Variants in DOCK5 observed in about 807,000 individuals in gnomAD.
DOCK5 encodes the protein dedicator of cytokinesis 5.
DOCK5 carries 142 observed loss-of-function variants against 251.8 expected under a neutral mutation model. That is an observed-to-expected ratio of 0.56 (90% confidence interval 0.49 to 0.65). The LOEUF (loss-of-function observed/expected upper bound fraction) is 0.65. Ranked by LOEUF, DOCK5 falls within the 30% of genes least tolerant of loss-of-function variation. The pLI is 0.00. For synonymous variants in DOCK5, 842 were observed against 835.5 expected, an observed-to-expected ratio of 1.01 and a Z score of -0.13; for missense variants, 2,111 against 2,312.3, an observed-to-expected ratio of 0.91 and a Z score of 1.79.
intron 21 of DOCK5, 124 bp downstream of exon 21, chr8:25,334,320 C>G: frequency 1.3e-6 from 1 of 766,722 alleles, no homozygotes; most frequent in South Asian, 1.6e-5. Context: ...AGGCAGAACT[C>G]TTATTCTAAG....
intron 13 of DOCK5, among the ~76,000 whole-genome samples, chr8:25,314,092 G>C (rs544357938): frequency 2.1e-5 from 3 of 144,238 alleles, no homozygotes; most frequent in Non-Finnish European, 3.0e-5. Context: ...GCTATTTCCT[G>C]CCTCAGGACT....
At chr8:25,410,343 C>T in intron 51 of DOCK5, 141 bp downstream of exon 51, 1 of 688,678 alleles carries the variant, frequency 1.5e-6, no homozygotes, top group Non-Finnish European at 2.5e-6. Flanking sequence ...CCTGAAACCA[C>T]AGGAGATAGA....
chr8:25,253,886 G>A (rs4872299), intron 2 of DOCK5, among the ~76,000 whole-genome samples: 22 of 152,178 alleles, frequency 1.4e-4, no homozygotes, highest in Non-Finnish European at 4.4e-5. Flanking sequence ...TGTGGATATC[G>A]ACAGATGGAT....
chr8:25,190,775 GGTTTTTTTTTT>G (rs928024899), intron 1 of DOCK5, among the ~76,000 whole-genome samples: 20 of 53,982 alleles, frequency 3.7e-4, no homozygotes, highest in South Asian at 1.3e-3. Flanking sequence ...CTTGGTCATG[GGTTTTTTTTTT>G]TTTTTTTTTT....
intron 26 of DOCK5, among the ~76,000 whole-genome samples, chr8:25,347,221 C>T (rs1355737687): frequency 2.0e-5 from 3 of 152,168 alleles, no homozygotes; most frequent in Non-Finnish European, 4.4e-5. Flanking sequence ...TCATGGTTTG[C>T]ACTGGGATGT....
Position 25,325,415 on chromosome 8 carries a change from A to C in DOCK5, c.1771A>C (p.Thr591Pro), listed in dbSNP as rs374920299. ...DAKFYLTLPG[T>P]KMEMEEKELQ... is the part of the protein sequence containing the mutation. ...TAAATTCTACCTGACCCTGCCTGGA[A>C]CCAAGATGGAGATGGAAGAAAAAGA... The change falls in exon 18 of 52, where the codon ACC becomes CCC. Residue 591 changes from threonine (T) to proline (P), a missense_variant. Physicochemically the swap from Thr to Pro is conservative, Grantham distance 38 (BLOSUM62 -1). Transcript: ENST00000276440. 220 of 1,613,886 alleles carry C rather than the reference A, an allele frequency of 1.4e-4. No homozygotes were observed. Among genetic ancestry groups the C allele is most frequent in the Non-Finnish European group, 1.8e-4 (211 of 1,179,884 alleles).
intron 3 of DOCK5, among the ~76,000 whole-genome samples, chr8:25,269,472 T>G (rs961175269): frequency 8.5e-5 from 13 of 152,214 alleles, no homozygotes; most frequent in Non-Finnish European, 1.6e-4. Context: ...GTATATACTT[T>G]TATTTATTGT....
rs762588489 is a variant in DOCK5, at chr8:25,392,823, A to G, written c.4468A>G (p.Thr1490Ala). Residue 1490 changes from threonine (T) to alanine (A), a missense_variant, in exon 44 of 52, where the codon ACG becomes GCG. By Grantham distance (58) the Thr-to-Ala change is moderately conservative (BLOSUM62 0). Transcript: ENST00000276440. ...GATGTGGATTGAACGGACCACGTAT[A>G]CGACTGCATATACCTTTCCTGGGAT... The part of the protein sequence containing the change: ...ATMWIERTTY[T>A]TAYTFPGILK... 5 of 1,613,318 alleles carry G rather than the reference A, an allele frequency of 3.1e-6. No individual in the cohort carries two copies. The East Asian group carries it at 8.9e-5, about 29-fold the overall frequency.
chr8:25,387,273 C>T (rs1265425803), intron 40 of DOCK5, among the ~76,000 whole-genome samples: 1 of 151,696 alleles, frequency 6.6e-6, no homozygotes, highest in Non-Finnish European at 1.5e-5. Context: ...CCTTGACCTC[C>T]CAGGCTCAGG....
At chr8:25,224,438 C>G (rs1370967143) in intron 1 of DOCK5, among the ~76,000 whole-genome samples, 1 of 152,178 alleles carries the variant, frequency 6.6e-6, no homozygotes, top group Non-Finnish European at 1.5e-5. Context: ...TTTGTCATTT[C>G]TGTGTGTAAA....
intron 39 of DOCK5, among the ~76,000 whole-genome samples, chr8:25,381,708 AG>A (rs1329918572): frequency 6.6e-6 from 1 of 152,168 alleles, no homozygotes; most frequent in Non-Finnish European, 1.5e-5. Context: ...CTAAGAAAAT[AG>A]TATTTTGACG....
At chr8:25,361,163 C>A (rs945618914) in intron 28 of DOCK5, among the ~76,000 whole-genome samples, 1 of 152,184 alleles carries the variant, frequency 6.6e-6, no homozygotes, top group Non-Finnish European at 1.5e-5. Context: ...CATGCCGTCT[C>A]ATTAATTTAG....
At chr8:25,320,643 T>A (rs569117863) in intron 15 of DOCK5, among the ~76,000 whole-genome samples, 1 of 152,330 alleles carries the variant, frequency 6.6e-6, no homozygotes, top group African/African-American at 2.4e-5. Flanking sequence ...ATAGATCCAA[T>A]TATTACTATA....
At chr8:25,293,660 A>AT (rs1804548688) in intron 6 of DOCK5, among the ~76,000 whole-genome samples, 1 of 152,172 alleles carries the variant, frequency 6.6e-6, no homozygotes. Context: ...CCAGAAGACC[A>AT]TACCTACAGT....
At chr8:25,376,436 G>A (rs1241625460) in intron 37 of DOCK5, 28 of 919,892 alleles carry the variant, frequency 3.0e-5, no homozygotes, top group African/African-American at 5.4e-5. Context: ...ATGCTTTTAC[G>A]TGGGTCTCTG....
rs188042164 is a variant in DOCK5, at chr8:25,410,142, C to T, written c.5448C>T (p.Val1816=). The change falls in exon 51 of 52, where the codon GTC becomes GTT. Residue 1816 remains valine (V), a synonymous_variant. Transcript: ENST00000276440. ...LQTDGIAATP[V]PPPPPPKSKP... is the part of the protein sequence containing the mutation. The stretch of plus-strand genomic sequence containing the variant: ...CAGATGGAATCGCGGCCACTCCTGT[C>T]CCACCTCCACCTCCCCCCAAAAGCA... 6.2e-7 allele frequency: 1 copy of T among 1,613,554 alleles called. No individual in the cohort carries two copies. Among genetic ancestry groups the T allele is most frequent in the Non-Finnish European group, 8.5e-7 (1 of 1,179,810 alleles).
At chr8:25,270,927 C>G in intron 3 of DOCK5, 1 of 622,724 alleles carries the variant, frequency 1.6e-6, no homozygotes, top group Non-Finnish European at 2.9e-6. Flanking sequence ...TTTATAATAC[C>G]TAATACAATG....
At chr8:25,206,881 A>G (rs567256911) in intron 1 of DOCK5, among the ~76,000 whole-genome samples, 4 of 152,350 alleles carry the variant, frequency 2.6e-5, no homozygotes, top group African/African-American at 9.6e-5. Context: ...GTGGAAGCCA[A>G]TGTTGTGAAT....
At chr8:25,185,595 C>A (rs1472000956) in intron 1 of DOCK5, among the ~76,000 whole-genome samples, 1 of 152,070 alleles carries the variant, frequency 6.6e-6, no homozygotes, top group East Asian at 1.9e-4. Flanking sequence ...CGCACTCATC[C>A]CCTAACGGAG....
Sources: gnomAD v4.1 joint callset for allele counts (sites outside exome capture counted in the v4.1 genomes callset) on GRCh38, gnomAD v4.1.1 for gene constraint, MANE v1.5 for transcripts, NCBI Gene and HGNC (gene_info 2026-07-23, HGNC 2026-07-21) for gene names.